The following CSMD3 variants were observed in gnomAD, a reference collection of about 807,000 sequenced individuals.
CSMD3 encodes the protein CUB and Sushi multiple domains 3, also known as CUB and sushi domain-containing protein 3.
CSMD3 carries 177 observed loss-of-function variants against 435.2 expected under a neutral mutation model. That is an observed-to-expected ratio of 0.41 (90% confidence interval 0.36 to 0.46). The LOEUF (loss-of-function observed/expected upper bound fraction) is 0.46. CSMD3 is among the 20% of genes least tolerant of loss of function. CSMD3 has a pLI of 0.34. For synonymous variants in CSMD3, 1,656 were observed against 1,520.5 expected, an observed-to-expected ratio of 1.09 and a Z score of -2.07; for missense variants, 4,265 against 4,504.6, an observed-to-expected ratio of 0.95 and a Z score of 1.52.
At chr8:112,237,719 A>G (rs1346791254) in intron 66 of CSMD3, among the ~76,000 whole-genome samples, 2 of 152,122 alleles carry the variant, frequency 1.3e-5, no homozygotes, top group Non-Finnish European at 1.5e-5. Context: ...ACTATACCCA[A>G]GTCCCAAGAG....
intron 13 of CSMD3, among the ~76,000 whole-genome samples, chr8:112,774,113 C>A (rs1476577334): frequency 6.6e-6 from 1 of 151,926 alleles, no homozygotes; most frequent in Non-Finnish European, 1.5e-5. Context: ...AATTTATCTG[C>A]ATCAAATTCA....
intron 13 of CSMD3, among the ~76,000 whole-genome samples, chr8:112,701,945 G>A (rs755147217): frequency 3.3e-5 from 5 of 152,112 alleles, no homozygotes; most frequent in Non-Finnish European, 5.9e-5. Flanking sequence ...TGAGTGCCCT[G>A]AGCTTGCAAG....
intron 3 of CSMD3, among the ~76,000 whole-genome samples, chr8:113,217,294 A>AAAAAC (rs903784767): frequency 2.0e-5 from 3 of 151,742 alleles, no homozygotes; most frequent in African/African-American, 7.2e-5. Context: ...AGCCCACCAT[A>AAAAAC]AAAACAAAAC....
intron 5 of CSMD3, among the ~76,000 whole-genome samples, chr8:113,094,469 A>C (rs973288239): frequency 3.3e-5 from 5 of 152,070 alleles, no homozygotes; most frequent in African/African-American, 1.2e-4. Flanking sequence ...TTTATCATTA[A>C]TTTTTCAATG....
At chr8:112,400,499 A>C (rs1253075020) in intron 35 of CSMD3, among the ~76,000 whole-genome samples, 1 of 152,156 alleles carries the variant, frequency 6.6e-6, no homozygotes, top group Non-Finnish European at 1.5e-5. Flanking sequence ...GATGCAGTGT[A>C]AGGATTCTCA....
intron 5 of CSMD3, among the ~76,000 whole-genome samples, chr8:113,040,565 G>A (rs1309378967): frequency 1.3e-5 from 2 of 152,118 alleles, no homozygotes; most frequent in Non-Finnish European, 2.9e-5. Context: ...GAGAGCCAAC[G>A]GAGTTTGTGA....
At chr8:112,970,740 T>TG in intron 7 of CSMD3, among the ~76,000 whole-genome samples, 1 of 151,134 alleles carries the variant, frequency 6.6e-6, no homozygotes, top group Admixed American at 6.6e-5. Flanking sequence ...TTTTTTTTTT[T>TG]ATATGGAGCC....
chr8:112,989,567 T>C (rs2085376188), intron 6 of CSMD3, among the ~76,000 whole-genome samples: 1 of 151,984 alleles, frequency 6.6e-6, no homozygotes, highest in East Asian at 1.9e-4. Context: ...AATAACAGAA[T>C]ATGTTTGTAC....
At chr8:113,090,377 T>G (rs2089963411) in intron 5 of CSMD3, among the ~76,000 whole-genome samples, 2 of 132,730 alleles carry the variant, frequency 1.5e-5, no homozygotes, top group South Asian at 4.5e-4. Flanking sequence ...GAAATATTTG[T>G]TTATTTAAAA....
At chr8:112,931,191 A>G (rs2083095770) in intron 9 of CSMD3, among the ~76,000 whole-genome samples, 2 of 152,066 alleles carry the variant, frequency 1.3e-5, no homozygotes, top group Non-Finnish European at 2.9e-5. Context: ...TCATGAATAA[A>G]ATGTGAACTT....
chr8:113,152,953 A>G (rs1305658470), intron 4 of CSMD3, among the ~76,000 whole-genome samples: 1 of 151,642 alleles, frequency 6.6e-6, no homozygotes, highest in African/African-American at 2.4e-5. Context: ...CCTGGACGAC[A>G]GAGTGAGACT....
intron 17 of CSMD3, among the ~76,000 whole-genome samples, chr8:112,666,030 A>C (rs982974743): frequency 1.3e-5 from 2 of 152,168 alleles, no homozygotes; most frequent in African/African-American, 4.8e-5. Flanking sequence ...TTCACATCTT[A>C]GTAGTACATA....
intron 2 of CSMD3, chr8:113,310,611 G>T (rs1014446482): frequency 1.3e-5 from 2 of 151,782 alleles, no homozygotes; most frequent in Non-Finnish European, 2.9e-5. Flanking sequence ...TCAGATATAT[G>T]TAAATAATCA....
At chr8:113,061,748 G>C (rs922877871) in intron 5 of CSMD3, among the ~76,000 whole-genome samples, 2 of 151,224 alleles carry the variant, frequency 1.3e-5, no homozygotes, top group Admixed American at 1.3e-4. Flanking sequence ...CAAATCATAG[G>C]TTAATAAAAA....
At chr8:112,432,124 A>T (rs1480733997) in intron 32 of CSMD3, among the ~76,000 whole-genome samples, 1 of 152,138 alleles carries the variant, frequency 6.6e-6, no homozygotes, top group Non-Finnish European at 1.5e-5. Context: ...ATGAGTGAGC[A>T]AAGCAACAAC....
chr8:112,431,793 T>A (rs1463080624), intron 32 of CSMD3, among the ~76,000 whole-genome samples: 1 of 152,154 alleles, frequency 6.6e-6, no homozygotes, highest in East Asian at 1.9e-4. Context: ...TTCATGAAGT[T>A]CTACATATTG....
At chr8:113,296,497 C>T (rs2093722888) in intron 2 of CSMD3, among the ~76,000 whole-genome samples, 1 of 151,896 alleles carries the variant, frequency 6.6e-6, no homozygotes, top group African/African-American at 2.4e-5. Context: ...GCACACCAGT[C>T]CAGGCAACAC....
At chr8:112,691,383 G>A (rs73342555) in intron 13 of CSMD3, among the ~76,000 whole-genome samples, 237 of 152,130 alleles carry the variant, frequency 1.6e-3, no homozygotes, top group African/African-American at 5.5e-3. Context: ...CATTTTACTA[G>A]TCTTTAGGTT....
intron 38 of CSMD3, among the ~76,000 whole-genome samples, chr8:112,369,728 G>A (rs1360481709): frequency 6.6e-6 from 1 of 151,822 alleles, no homozygotes; most frequent in Non-Finnish European, 1.5e-5. Context: ...GGGGTGCAAG[G>A]GCAGGGAGAG....
Sources: allele counts gnomAD v4.1 joint callset (sites outside exome capture counted in the v4.1 genomes callset), GRCh38; gene constraint gnomAD v4.1.1; transcripts MANE v1.5; gene names NCBI Gene and HGNC (gene_info 2026-07-23, HGNC 2026-07-21).